The following KAZN variants were observed in gnomAD, a reference collection of about 807,000 sequenced individuals.
The protein encoded by KAZN is kazrin, periplakin interacting protein, also known as kazrin.
Under a neutral mutation model 87.4 loss-of-function variants are expected in KAZN, and 40 were observed. The ratio of observed to expected loss-of-function variants is 0.46; its 90% CI spans 0.36 to 0.60. The LOEUF (loss-of-function observed/expected upper bound fraction) is 0.60, where lower values mean the gene tolerates loss of function less well. KAZN is among the 20% of genes least tolerant of loss of function. The pLI, the probability that KAZN is intolerant of heterozygous loss-of-function variation, is 0.00. For missense variants in KAZN, 898 were observed against 1,073.9 expected, an observed-to-expected ratio of 0.84 and a Z score of 2.29; for synonymous variants, 466 against 458.3, an observed-to-expected ratio of 1.02 and a Z score of -0.22.
chr1:14,478,013 A>G (rs1668848782), intron 2 of KAZN, among the ~76,000 whole-genome samples: 1 of 152,070 alleles, frequency 6.6e-6, no homozygotes, highest in Non-Finnish European at 1.5e-5. Context: ...GCTAGGTGAA[A>G]ATCACCAAGC....
At chr1:14,902,279 G>C (rs1232833688) in intron 1 of KAZN, among the ~76,000 whole-genome samples, 1 of 151,392 alleles carries the variant, frequency 6.6e-6, no homozygotes, top group Non-Finnish European at 1.5e-5. Context: ...AGGCTGGAGT[G>C]CAGTGGCTCG....
intron 1 of KAZN, among the ~76,000 whole-genome samples, chr1:14,797,700 C>T (rs908685634): frequency 6.6e-6 from 1 of 152,060 alleles, no homozygotes; most frequent in Non-Finnish European, 1.5e-5. Flanking sequence ...TCAGGAAGAT[C>T]CAGGTTCAAA....
At chr1:13,983,506 A>G (rs1276418829) in intron 1 of KAZN, among the ~76,000 whole-genome samples, 4 of 152,116 alleles carry the variant, frequency 2.6e-5, no homozygotes, top group African/African-American at 4.8e-5. Context: ...GCTGGCCCGC[A>G]AGCACGGCAC....
Position 15,044,061 on chromosome 1 carries a change from C to A in KAZN, c.628C>A (p.Arg210Ser), listed in dbSNP as rs772833272. Residue 210 changes from arginine to serine, a missense_variant, in exon 4 of 15, where the codon CGC (arginine) becomes AGC (serine). Physicochemically the swap from Arg to Ser is moderately radical, Grantham distance 110. Transcript: ENST00000376030. ...LLEREKWELR[R>S]QAKEATDHAT... ...GGAGCGTGAGAAGTGGGAGCTGCGG[C>A]GCCAAGCCAAGGAGGCCACAGACCA... 3 of 1,612,724 alleles carry A rather than the reference C, an allele frequency of 1.9e-6. No individual in the cohort carries two copies. The highest frequency in any genetic ancestry group is 2.5e-6 in the Non-Finnish European group (3 of 1,179,808).
intron 2 of KAZN, among the ~76,000 whole-genome samples, chr1:14,366,857 C>T (rs754192253): frequency 6.6e-6 from 1 of 152,230 alleles, no homozygotes; most frequent in Non-Finnish European, 1.5e-5. Context: ...CCCTGGTACC[C>T]AAGCTCTTGT....
chr1:14,156,643 G>C (rs189041302), intron 1 of KAZN, among the ~76,000 whole-genome samples: 1 of 152,234 alleles, frequency 6.6e-6, no homozygotes, highest in Non-Finnish European at 1.5e-5. Context: ...TGTCTGATAT[G>C]AGTATAGTAA....
intron 1 of KAZN, among the ~76,000 whole-genome samples, chr1:14,822,543 T>C (rs1186793136): frequency 6.6e-6 from 1 of 152,156 alleles, no homozygotes; most frequent in African/African-American, 2.4e-5. Context: ...GCCGCCCCTC[T>C]CTCAGCCCCT....
intron 1 of KAZN, among the ~76,000 whole-genome samples, chr1:14,065,208 G>T (rs75982996): frequency 6.6e-6 from 1 of 152,128 alleles, no homozygotes; most frequent in African/African-American, 2.4e-5. Flanking sequence ...CTTGCCTTCC[G>T]CATTGATAAC....
At chr1:14,120,440 A>C (rs996950259) in intron 1 of KAZN, among the ~76,000 whole-genome samples, 3 of 152,138 alleles carry the variant, frequency 2.0e-5, no homozygotes, top group African/African-American at 7.2e-5. Context: ...TGGGGACTAC[A>C]ATTGAACATG....
intron 1 of KAZN, among the ~76,000 whole-genome samples, chr1:13,924,813 C>T (rs1640209599): frequency 1.3e-5 from 2 of 152,152 alleles, no homozygotes; most frequent in Admixed American, 6.5e-5. Flanking sequence ...TGTGTCTGAC[C>T]ACCTTGGGCA....
At chr1:14,894,165 C>T (rs2807550) in intron 1 of KAZN, among the ~76,000 whole-genome samples, 138,280 of 151,838 alleles carry the variant, frequency 0.91, 63,155 homozygotes, top group Middle Eastern at 0.96. Flanking sequence ...CTGCCCAGCT[C>T]TGCCACCATC....
chr1:13,904,149 G>A (rs191580866), intron 1 of KAZN, among the ~76,000 whole-genome samples: 3 of 152,328 alleles, frequency 2.0e-5, no homozygotes, highest in East Asian at 3.9e-4. Flanking sequence ...AGAAGGACTA[G>A]GGCAAGGGAG....
intron 1 of KAZN, among the ~76,000 whole-genome samples, chr1:14,913,242 C>A (rs967193391): frequency 2.0e-5 from 3 of 152,186 alleles, no homozygotes; most frequent in Non-Finnish European, 4.4e-5. Context: ...TACCCCAGGA[C>A]TCCCTGAGTA....
At chr1:14,140,872 C>A (rs960929252) in intron 1 of KAZN, among the ~76,000 whole-genome samples, 1 of 152,114 alleles carries the variant, frequency 6.6e-6, no homozygotes, top group African/African-American at 2.4e-5. Flanking sequence ...GGAAGAAAGA[C>A]GTCCTGTCTA....
At chr1:14,420,154 C>T (rs1665288483) in intron 2 of KAZN, among the ~76,000 whole-genome samples, 1 of 152,014 alleles carries the variant, frequency 6.6e-6, no homozygotes, top group Non-Finnish European at 1.5e-5. Flanking sequence ...TCTCCAAGTC[C>T]CCACTAGAGA....
At chr1:13,946,028 G>A (rs1273979499) in intron 1 of KAZN, among the ~76,000 whole-genome samples, 1 of 152,174 alleles carries the variant, frequency 6.6e-6, no homozygotes, top group Non-Finnish European at 1.5e-5. Context: ...GACAATCTGG[G>A]CTTCCAAGTC....
intron 2 of KAZN, among the ~76,000 whole-genome samples, chr1:14,368,591 T>C (rs974607372): frequency 6.6e-6 from 1 of 152,122 alleles, no homozygotes; most frequent in Non-Finnish European, 1.5e-5. Flanking sequence ...AATGTGGGGA[T>C]CTGGGTAATT....
chr1:14,459,163 G>A (rs1047637531), intron 2 of KAZN, among the ~76,000 whole-genome samples: 1 of 152,058 alleles, frequency 6.6e-6, no homozygotes, highest in African/African-American at 2.4e-5. Context: ...CACTAGGAGG[G>A]TATCTTCATA....
At chr1:14,383,083 TG>T (rs1254152088) in intron 2 of KAZN, among the ~76,000 whole-genome samples, 3 of 151,752 alleles carry the variant, frequency 2.0e-5, no homozygotes, top group African/African-American at 7.3e-5. Flanking sequence ...TGGTGAGCAT[TG>T]TTTCATGTGT....
Sources: allele counts gnomAD v4.1 joint callset (sites outside exome capture counted in the v4.1 genomes callset), GRCh38; gene constraint gnomAD v4.1.1; transcripts MANE v1.5; gene names NCBI Gene and HGNC (gene_info 2026-07-23, HGNC 2026-07-21).